TRPC4AP: variants seen among roughly 807,000 people sequenced by gnomAD.
TRPC4AP encodes transient receptor potential cation channel subfamily C member 4 associated protein.
A neutral mutation model predicts 99.0 loss-of-function variants in TRPC4AP; 45 were observed. The observed-to-expected ratio is 0.45, with a 90% confidence interval of 0.36 to 0.58. The LOEUF is 0.58. TRPC4AP is among the 20% of genes least tolerant of loss of function. The pLI is 0.00. For synonymous variants in TRPC4AP, 408 were observed against 385.8 expected (o/e 1.06, Z -0.67); for missense variants, 879 against 985.3 (o/e 0.89, Z 1.44).
chr20:35,089,495 G>T (rs1310665713), intron 1 of TRPC4AP, among the ~76,000 whole-genome samples: 3 of 150,908 alleles, frequency 2.0e-5, no homozygotes, highest in Non-Finnish European at 4.4e-5. Context: ...GTCTCCCAAA[G>T]TGCTGGGATT....
At chr20:35,028,235 ACT>A (rs1355186086) in intron 8 of TRPC4AP, among the ~76,000 whole-genome samples, 3 of 142,066 alleles carry the variant, frequency 2.1e-5, no homozygotes, top group African/African-American at 5.2e-5. Context: ...ATGGAATCTC[ACT>A]CTGTCACCCA....
intron 8 of TRPC4AP, among the ~76,000 whole-genome samples, chr20:35,031,630 T>C (rs772194260): frequency 2.6e-5 from 4 of 152,022 alleles, no homozygotes; most frequent in Non-Finnish European, 2.9e-5. Context: ...TGATTTACAT[T>C]ACATTTGGGA....
intron 6 of TRPC4AP, among the ~76,000 whole-genome samples, chr20:35,048,098 T>A (rs2083601503): frequency 6.6e-6 from 1 of 152,190 alleles, no homozygotes. Context: ...GTTAAACATC[T>A]TCTCTTTTAT....
chr20:35,088,967 T>C (rs1055402589), intron 1 of TRPC4AP, among the ~76,000 whole-genome samples: 11 of 151,972 alleles, frequency 7.2e-5, no homozygotes, highest in African/African-American at 2.7e-4. Flanking sequence ...AGTTTCAGAT[T>C]TGCAAGATGA....
chr20:35,021,084 A>T, intron 9 of TRPC4AP, 106 bp downstream of exon 9: 1 of 1,290,180 alleles, frequency 7.8e-7, no homozygotes, highest in Non-Finnish European at 1.1e-6. Context: ...TTGCCAGGCT[A>T]AAGCGAGAGC....
chr20:35,011,437 C>G (rs575419671), intron 11 of TRPC4AP, among the ~76,000 whole-genome samples: 9 of 152,300 alleles, frequency 5.9e-5, no homozygotes, highest in Non-Finnish European at 1.0e-4. Context: ...GATCGTGTAG[C>G]TGGTCACCAT....
rs540320663 is a variant in TRPC4AP at position 35,018,707 on chromosome 20, C to T, written c.1218+2483G>A. On this transcript the variant is annotated intron_variant, in intron 9 of 18. Transcript: ENST00000252015. Reference sequence around the variant, plus strand: ...TTGTAGAATGCATTATTCCTACTCTCAGGTCCAGCCCCGTAGCCTGCTCTA... The same window carrying T: ...TTGTAGAATGCATTATTCCTACTCTTAGGTCCAGCCCCGTAGCCTGCTCTA... Among the ~76,000 whole-genome samples, 92 of 151,556 alleles carry T rather than the reference C, an allele frequency of 6.1e-4. 1 individual carries two copies. Among genetic ancestry groups the T allele is most frequent in the Non-Finnish European group, 1.1e-3 (77 of 67,900 alleles).
intron 3 of TRPC4AP, 65 bp from the exon 4 acceptor site, chr20:35,057,636 C>T: frequency 7.2e-7 from 1 of 1,385,392 alleles, no homozygotes; most frequent in Non-Finnish European, 1.0e-6. Flanking sequence ...AATGATTTTG[C>T]CATAACCATT....
intron 6 of TRPC4AP, 31 bp downstream of exon 6, chr20:35,049,835 C>T (rs768357655): frequency 2.5e-6 from 4 of 1,592,264 alleles, no homozygotes; most frequent in Non-Finnish European, 2.6e-6. Flanking sequence ...GACACCCTTC[C>T]CCATCTGGTC....
intron 1 of TRPC4AP, among the ~76,000 whole-genome samples, chr20:35,085,315 T>A (rs1307555307): frequency 2.6e-5 from 4 of 152,158 alleles, no homozygotes; most frequent in Non-Finnish European, 5.9e-5. Flanking sequence ...TACTCTCATT[T>A]AAAAATAATA....
chr20:35,067,830 T>C (rs2084183591), intron 3 of TRPC4AP, among the ~76,000 whole-genome samples: 2 of 152,026 alleles, frequency 1.3e-5, no homozygotes, highest in African/African-American at 4.8e-5. Flanking sequence ...AAAAGTATAC[T>C]AGTGTGGGGA....
At chr20:35,058,680 G>T (rs908454739) in intron 3 of TRPC4AP, among the ~76,000 whole-genome samples, 88 of 128,572 alleles carry the variant, frequency 6.8e-4, no homozygotes, top group Admixed American at 2.8e-3. Context: ...TATATTAAAA[G>T]AAAATTCTTT....
chr20:35,038,688 TAA>T (rs1342787117), intron 7 of TRPC4AP, among the ~76,000 whole-genome samples: 4 of 152,232 alleles, frequency 2.6e-5, no homozygotes, highest in Non-Finnish European at 4.4e-5. Context: ...AAGAAACTGG[TAA>T]AAAGTTACCA....
At chr20:35,020,148 T>C (rs1045455341) in intron 9 of TRPC4AP, among the ~76,000 whole-genome samples, 3 of 152,140 alleles carry the variant, frequency 2.0e-5, no homozygotes, top group Non-Finnish European at 4.4e-5. Flanking sequence ...TGCAACCACC[T>C]CCCACCAGTC....
At position 35,069,359 on chromosome 20, in the gene TRPC4AP, C is replaced by T; in HGVS notation, c.351G>A (p.Arg117=). ...GATAAGTGGTTTCTTGGGTAAGTTT[C>T]CTCTCTTCAGTAACAAATGCCATAG... is the stretch of plus-strand genomic sequence containing the variant. The part of the protein sequence containing the change: ...MEAMAFVTEE[R]KLTQETTYPN... The change falls in exon 3 of 19, where the codon AGG becomes AGA. Residue 117 remains arginine (R), a synonymous_variant. Coordinates refer to ENST00000252015, the MANE Select transcript of TRPC4AP (RefSeq NM_015638.3). 1.9e-6 allele frequency: 3 copies of T among 1,612,986 alleles called. No individual in the cohort carries two copies. Among genetic ancestry groups the T allele is most frequent in the Non-Finnish European group, 2.5e-6 (3 of 1,179,140 alleles).
At chr20:35,092,576 G>GT in intron 1 of TRPC4AP, 38 bp downstream of exon 1, 1 of 1,438,700 alleles carries the variant, frequency 7.0e-7, no homozygotes, top group Non-Finnish European at 9.1e-7. Flanking sequence ...CTCCCGCCTG[G>GT]TCCGCCCCGC....
Position 35,007,609 on chromosome 20 carries a change from G to A in TRPC4AP, c.1627C>T (p.Leu543Phe). 6.2e-7 allele frequency: 1 copy of A among 1,614,226 alleles called. No individual in the cohort carries two copies. The highest frequency in any genetic ancestry group is 8.5e-7 in the Non-Finnish European group (1 of 1,180,036). The change falls in exon 14 of 19, where the codon CTC (leucine) becomes TTC (phenylalanine). Residue 543 changes from leucine (L) to phenylalanine (F), a missense_variant. This residue lies in a region of TRPC4AP where 52 missense variants were observed against 88.7 expected (regional missense o/e 0.59). Transcript: ENST00000252015. ...FWQARAVESF[L>F]RGTTSYADQM... The stretch of plus-strand genomic sequence containing the variant: ...TCTGCATAGGAGGTGGTCCCTCGGA[G>A]GAAACTCTCCACAGCCCGAGCTTGC...
At chr20:35,080,804 G>GTTTT (rs34370030) in intron 1 of TRPC4AP, among the ~76,000 whole-genome samples, 15 of 49,570 alleles carry the variant, frequency 3.0e-4, no homozygotes, top group Middle Eastern at 0.014. Context: ...GTACACTTCA[G>GTTTT]TTTTTTTTTT....
intron 1 of TRPC4AP, among the ~76,000 whole-genome samples, chr20:35,081,911 G>GGAGGT (rs1366966400): frequency 2.0e-5 from 3 of 152,198 alleles, no homozygotes; most frequent in African/African-American, 7.2e-5. Flanking sequence ...CTTGAACCCA[G>GGAGGT]GAGGTGGAGG....
Sources: gnomAD v4.1 joint callset for allele counts (sites outside exome capture counted in the v4.1 genomes callset) on GRCh38, gnomAD v4.1.1 for gene constraint, gnomAD v4.1.1 regional missense constraint, MANE v1.5 for transcripts, NCBI Gene and HGNC (gene_info 2026-07-23, HGNC 2026-07-21) for gene names.